ANKMY2: variants seen among roughly 807,000 people sequenced by gnomAD.
The protein encoded by ANKMY2 is ankyrin repeat and MYND domain containing 2, also known as ankyrin repeat and MYND domain-containing protein 2.
In ANKMY2, 36 loss-of-function variants were observed where a neutral mutation model predicts 50.4. The observed-to-expected ratio is 0.71, with a 90% CI of 0.55 to 0.94. ANKMY2 has a LOEUF of 0.94. ANKMY2 is among the 40% of genes least tolerant of loss of function. The pLI, the probability that ANKMY2 is intolerant of heterozygous loss-of-function variation, is 0.00. For synonymous variants in ANKMY2, 187 were observed against 178.8 expected (o/e 1.05, Z -0.36); for missense variants, 565 against 524.0 (o/e 1.08, Z -0.76).
chr7:16,634,256 A>C (rs534913898), intron 2 of ANKMY2, among the ~76,000 whole-genome samples: 2 of 152,362 alleles, frequency 1.3e-5, no homozygotes, highest in South Asian at 4.1e-4. Flanking sequence ...TTCTTCCTAG[A>C]GTAACAGAAA....
chr7:16,622,746 A>AAATG (rs375952820), intron 4 of ANKMY2, among the ~76,000 whole-genome samples: 1 of 114,624 alleles, frequency 8.7e-6, no homozygotes, highest in African/African-American at 3.5e-5. Flanking sequence ...TCTCAAAAAT[A>AAATG]AATGAATAAA....
chr7:16,627,185 T>G lies in ANKMY2; in HGVS notation c.133-7A>C. The stretch of plus-strand genomic sequence containing the variant: ...TTAGAGGAGTCATTCCATTCTTTAA[T>G]AGAAAGAGGAAAAAAGTATTAATTT... On this transcript the variant is annotated splice_region_variant and splice_polypyrimidine_tract_variant and intron_variant, in intron 2 of 9. Transcript: ENST00000306999. 2 of 1,562,234 alleles carry G rather than the reference T, an allele frequency of 1.3e-6. No homozygotes were observed. The highest frequency in any genetic ancestry group is 1.7e-6 in the Non-Finnish European group (2 of 1,149,288).
intron 4 of ANKMY2, among the ~76,000 whole-genome samples, chr7:16,620,040 A>G (rs1465959638): frequency 1.3e-5 from 2 of 152,232 alleles, no homozygotes; most frequent in Non-Finnish European, 2.9e-5. Flanking sequence ...AGCTAGGCAA[A>G]ATATGACTCA....
intron 2 of ANKMY2, among the ~76,000 whole-genome samples, chr7:16,629,458 C>A (rs1583681284): frequency 6.6e-6 from 1 of 152,078 alleles, no homozygotes; most frequent in East Asian, 1.9e-4. Flanking sequence ...AGCACTTGAA[C>A]CTGGGAGGTG....
chr7:16,618,626 C>T (rs774566819), intron 4 of ANKMY2, among the ~76,000 whole-genome samples: 6 of 152,060 alleles, frequency 3.9e-5, no homozygotes, highest in African/African-American at 9.7e-5. Flanking sequence ...CCAGTACATA[C>T]GTCTTGAAAA....
rs567779557 is a variant in ANKMY2 at position 16,626,615 on chromosome 7, C to T, written c.271+425G>A. On this transcript the variant is annotated intron_variant, in intron 3 of 9. Coordinates refer to ENST00000306999, the MANE Select transcript of ANKMY2 (RefSeq NM_020319.3). ...CAGCAAATAATAAACAATACAAATC[C>T]GAGTAAGTTTCTAAAGGGATCATCA... Among the ~76,000 whole-genome samples, 151 of 152,222 alleles carry T rather than the reference C, an allele frequency of 9.9e-4. 1 individual carries two copies. In the South Asian group the frequency reaches 0.029, roughly 29 times the overall value.
At chr7:16,609,130 T>C (rs1781205393) in intron 7 of ANKMY2, among the ~76,000 whole-genome samples, 1 of 152,238 alleles carries the variant, frequency 6.6e-6, no homozygotes, top group South Asian at 2.1e-4. Context: ...ATGGACATTT[T>C]CTAATCAGAG....
At chr7:16,603,189 G>A (rs1276220707) in intron 8 of ANKMY2, among the ~76,000 whole-genome samples, 1 of 152,102 alleles carries the variant, frequency 6.6e-6, no homozygotes, top group African/African-American at 2.4e-5. Context: ...TGCCAGAATT[G>A]GTACAGTACA....
At chr7:16,622,215 C>T (rs1347416857) in intron 4 of ANKMY2, among the ~76,000 whole-genome samples, 2 of 151,928 alleles carry the variant, frequency 1.3e-5, no homozygotes, top group Non-Finnish European at 2.9e-5. Context: ...AAAGGGCATC[C>T]CCCCACAAAA....
At chr7:16,644,067 C>T (rs750560774) in intron 1 of ANKMY2, among the ~76,000 whole-genome samples, 3 of 152,094 alleles carry the variant, frequency 2.0e-5, no homozygotes, top group Non-Finnish European at 4.4e-5. Flanking sequence ...CTCTGTCCTG[C>T]CTAAAAGAAT....
intron 2 of ANKMY2, among the ~76,000 whole-genome samples, chr7:16,627,923 T>C (rs1291624080): frequency 7.7e-6 from 1 of 129,908 alleles, no homozygotes; most frequent in African/African-American, 2.7e-5. Flanking sequence ...TAGGCTATAT[T>C]GTTTGGTCAA....
intron 1 of ANKMY2, among the ~76,000 whole-genome samples, chr7:16,641,928 T>A (rs569381891): frequency 6.6e-6 from 1 of 152,276 alleles, no homozygotes; most frequent in East Asian, 1.9e-4. Flanking sequence ...CAAAGAGGCA[T>A]AAGGACTTTT....
intron 5 of ANKMY2, 143 bp from the exon 6 acceptor site, chr7:16,610,906 G>A (rs1781240191): frequency 1.4e-6 from 1 of 708,346 alleles, no homozygotes; most frequent in South Asian, 2.0e-5. Flanking sequence ...TTGTTAGAAT[G>A]CAAATTACCC....
chr7:16,636,028 G>C (rs1182669118), intron 2 of ANKMY2, among the ~76,000 whole-genome samples: 1 of 152,076 alleles, frequency 6.6e-6, no homozygotes. Flanking sequence ...TTTGAAGGCT[G>C]AGCGTGGTGG....
chr7:16,629,390 G>T (rs1165565368), intron 2 of ANKMY2, among the ~76,000 whole-genome samples: 1 of 152,130 alleles, frequency 6.6e-6, no homozygotes, highest in Non-Finnish European at 1.5e-5. Flanking sequence ...ACAAAAATTA[G>T]CTGGGCTTGG....
At chr7:16,634,443 G>C (rs1354892852) in intron 2 of ANKMY2, among the ~76,000 whole-genome samples, 1 of 152,170 alleles carries the variant, frequency 6.6e-6, no homozygotes, top group Non-Finnish European at 1.5e-5. Context: ...AGACTGCATT[G>C]AGGCGATGGA....
intron 5 of ANKMY2, among the ~76,000 whole-genome samples, chr7:16,613,763 C>T (rs1562769779): frequency 6.6e-6 from 1 of 151,558 alleles, no homozygotes; most frequent in East Asian, 1.9e-4. Flanking sequence ...TGGAGAAACC[C>T]CATCTCTACC....
chr7:16,618,225 C>CTAATTATACCTTTTT (rs1781385817), intron 4 of ANKMY2, among the ~76,000 whole-genome samples: 1 of 152,004 alleles, frequency 6.6e-6, no homozygotes, highest in African/African-American at 2.4e-5. Flanking sequence ...CATGCCCAGC[C>CTAATTATACCTTTTT]AAAGCTGCAG....
intron 1 of ANKMY2, among the ~76,000 whole-genome samples, chr7:16,639,528 T>C (rs1054651705): frequency 1.3e-5 from 2 of 152,194 alleles, no homozygotes; most frequent in Non-Finnish European, 2.9e-5. Flanking sequence ...GATCACTTTA[T>C]CTGGATGAAC....
Sources: allele counts gnomAD v4.1 joint callset (sites outside exome capture counted in the v4.1 genomes callset), GRCh38; gene constraint gnomAD v4.1.1; transcripts MANE v1.5; gene names NCBI Gene and HGNC (gene_info 2026-07-23, HGNC 2026-07-21).